Variants in SCAF8 observed in about 807,000 individuals in gnomAD.
SCAF8 encodes SR-related and CTD-associated factor 8.
SCAF8 carries 23 observed loss-of-function variants against 140.5 expected under a neutral mutation model. That is an observed-to-expected ratio of 0.16 (90% CI 0.12 to 0.23). The LOEUF (loss-of-function observed/expected upper bound fraction) is 0.23. SCAF8 is among the 10% of genes least tolerant of loss of function. SCAF8 has a pLI of 1.00. For missense variants in SCAF8, 1,397 were observed against 1,555.7 expected (o/e 0.90, Z 1.72); for synonymous variants, 575 against 528.9 (o/e 1.09, Z -1.20).
At chr6:154,770,293 A>G (rs1776698548) in intron 1 of SCAF8, among the ~76,000 whole-genome samples, 1 of 152,146 alleles carries the variant, frequency 6.6e-6, no homozygotes, top group East Asian at 1.9e-4. Flanking sequence ...GTCTTTACAA[A>G]AAAAGAAAAC....
At chr6:154,819,584 C>T (rs1778354601) in intron 14 of SCAF8, among the ~76,000 whole-genome samples, 1 of 151,980 alleles carries the variant, frequency 6.6e-6, no homozygotes, top group Admixed American at 6.6e-5. Flanking sequence ...GAGTGAGACC[C>T]TGTCTCAAAA....
rs532443399 is a variant in SCAF8, at chr6:154,770,762, T to C, written c.31-3227T>C. ...TAAACTGGTTTTTGTTGTTGTTGTT[T>C]TGACACAAAGCCTCGCTCTGTCACC... On this transcript the variant is annotated intron_variant, in intron 1 of 19. Transcript: ENST00000367178. Among the ~76,000 whole-genome samples the C allele has an allele frequency of 2.6e-5, 4 of 152,256 alleles. No homozygotes were observed. The South Asian group carries it at 8.3e-4, about 32-fold the overall frequency.
intron 1 of SCAF8, among the ~76,000 whole-genome samples, chr6:154,739,635 A>C (rs898467833): frequency 2.6e-5 from 4 of 152,172 alleles, no homozygotes; most frequent in African/African-American, 9.7e-5. Flanking sequence ...AGGATACCTA[A>C]ATTCTTAGTA....
chr6:154,796,385 C>CTCTCTCTG (rs1562450885), intron 6 of SCAF8, among the ~76,000 whole-genome samples: 1 of 76,324 alleles, frequency 1.3e-5, no homozygotes, highest in Non-Finnish European at 2.6e-5. Context: ...CTCTCTCTCT[C>CTCTCTCTG]TCTCTCTGTC....
intron 2 of SCAF8, among the ~76,000 whole-genome samples, chr6:154,775,838 A>T (rs1776901742): frequency 6.6e-6 from 1 of 151,808 alleles, no homozygotes; most frequent in Non-Finnish European, 1.5e-5. Context: ...TAATGTTTTG[A>T]ATTTTGAAAA....
intron 1 of SCAF8, among the ~76,000 whole-genome samples, chr6:154,753,008 TTTTG>T (rs1270337120): frequency 2.6e-5 from 4 of 151,230 alleles, no homozygotes; most frequent in East Asian, 3.8e-4. Flanking sequence ...TTTGTTTTTG[TTTTG>T]TTTTTTTTTT....
At chr6:154,799,146 T>G (rs1391059154) in intron 6 of SCAF8, among the ~76,000 whole-genome samples, 2 of 150,552 alleles carry the variant, frequency 1.3e-5, no homozygotes, top group African/African-American at 2.4e-5. Context: ...CCGAGCTAAT[T>G]TTTGTATTTT....
intron 12 of SCAF8, among the ~76,000 whole-genome samples, chr6:154,813,973 A>G (rs1470967560): frequency 6.6e-6 from 1 of 152,208 alleles, no homozygotes; most frequent in Non-Finnish European, 1.5e-5. Context: ...CCCATAGTAG[A>G]TCTTCAGAAC....
chr6:154,751,250 C>T (rs1227946425), intron 1 of SCAF8, among the ~76,000 whole-genome samples: 8 of 149,272 alleles, frequency 5.4e-5, no homozygotes, highest in South Asian at 2.1e-4. Flanking sequence ...TTTTTTGAGA[C>T]GGAGTTTTGC....
chr6:154,796,166 AC>A (rs1777595446), intron 6 of SCAF8, among the ~76,000 whole-genome samples: 2 of 152,076 alleles, frequency 1.3e-5, no homozygotes, highest in Non-Finnish European at 2.9e-5. Context: ...TCATAGAAAT[AC>A]CTCATTTTTG....
intron 6 of SCAF8, among the ~76,000 whole-genome samples, chr6:154,799,522 AATG>A (rs1777706650): frequency 6.6e-6 from 1 of 151,258 alleles, no homozygotes; most frequent in African/African-American, 2.4e-5. Context: ...TTCTCTAACT[AATG>A]ATAAGACTTG....
At chr6:154,815,961 C>A (rs1043125316) in intron 13 of SCAF8, 145 bp downstream of exon 13, 14 of 491,086 alleles carry the variant, frequency 2.9e-5, no homozygotes, top group African/African-American at 2.7e-4. Context: ...TTGATAATGT[C>A]TGTGTTTATT....
intron 5 of SCAF8, among the ~76,000 whole-genome samples, chr6:154,794,775 T>A (rs911008801): frequency 3.0e-4 from 2 of 6,692 alleles, no homozygotes; most frequent in Non-Finnish European, 3.3e-4. Context: ...GGGGGGGGTG[T>A]GGGGGGTGTG....
At position 154,830,935 on chromosome 6, in the gene SCAF8, G is replaced by A. The variant is rs761149261; in HGVS notation, c.2154G>A (p.Pro718=). 7.4e-6 allele frequency: 12 copies of A among 1,613,666 alleles called. No individual in the cohort carries two copies. Among genetic ancestry groups the A allele is most frequent in the Middle Eastern group, 3.3e-4 (2 of 6,080 alleles). Residue 718 remains proline (P), a synonymous_variant, in exon 19 of 20, where the codon CCG becomes CCA. Transcript: ENST00000367178. The part of the protein sequence containing the change: ...PPVVPTSLVQ[P]SLSMTPETVK... The stretch of plus-strand genomic sequence containing the variant: ...CTCTTTAAACAGCTTTAGTGCAGCC[G>A]TCATTATCCATGACACCGGAAACTG...
chr6:154,820,493 A>G (rs893945308), intron 15 of SCAF8, among the ~76,000 whole-genome samples, 160 bp downstream of exon 15: 14 of 152,202 alleles, frequency 9.2e-5, no homozygotes, highest in Non-Finnish European at 1.9e-4. Flanking sequence ...GCTTAATGGG[A>G]CCTATTTTAA....
rs145758962 is a variant in SCAF8 at position 154,803,489 on chromosome 6, C to T, written c.784-55C>T. On this transcript the variant is annotated intron_variant, in intron 7 of 19. Coordinates refer to ENST00000367178, the MANE Select transcript of SCAF8 (RefSeq NM_014892.5). The stretch of plus-strand genomic sequence containing the variant: ...TTGACATTTAAAATAGCATTTGTAA[C>T]TTGTATTTGTGTGAAGCACTTTTTA... 2.6e-5 allele frequency: 31 copies of T among 1,196,094 alleles called. No homozygotes were observed. In the African/African-American group the frequency reaches 3.1e-4, roughly 12 times the overall value. 74.1% of individuals were successfully genotyped at this position (1,196,094 alleles called of 1,614,324 possible).
intron 1 of SCAF8, among the ~76,000 whole-genome samples, chr6:154,745,245 C>A (rs919510086): frequency 5.9e-5 from 9 of 152,294 alleles, no homozygotes; most frequent in Middle Eastern, 3.4e-3. Flanking sequence ...GCTGCTGCTT[C>A]ATGATTAGGT....
chr6:154,830,242 T>C (rs796732251), intron 18 of SCAF8, among the ~76,000 whole-genome samples: 19 of 152,372 alleles, frequency 1.2e-4, no homozygotes, highest in African/African-American at 4.6e-4. Context: ...TCAGGTAATC[T>C]AGAGTTACAT....
rs550659972 is a variant in SCAF8 at position 154,832,514 on chromosome 6, C to T, written c.2935C>T (p.Pro979Ser). The T allele has an allele frequency of 6.2e-7, 1 of 1,613,752 alleles. No homozygotes were observed. Among genetic ancestry groups the T allele is most frequent in the Non-Finnish European group, 8.5e-7 (1 of 1,179,896 alleles). Residue 979 changes from proline to serine, a missense_variant, in exon 20 of 20, where the codon CCA (proline) becomes TCA (serine). Physicochemically the swap from Pro to Ser is moderately conservative, Grantham distance 74 (BLOSUM62 -1). Around this residue, in one of 5 missense-constraint regions of SCAF8, gnomAD observed 930 missense variants for 874.6 expected, o/e 1.06. Transcript: ENST00000367178. ...PFPPGDIFSQ[P>S]ERPFLAPGRQ... ...TCCTCCAGGAGATATTTTTAGTCAA[C>T]CAGAAAGACCTTTTTTAGCTCCTGG...
Sources: gnomAD v4.1 joint callset for allele counts (sites outside exome capture counted in the v4.1 genomes callset) on GRCh38, gnomAD v4.1.1 for gene constraint, gnomAD v4.1.1 regional missense constraint, MANE v1.5 for transcripts, NCBI Gene and HGNC (gene_info 2026-07-23, HGNC 2026-07-21) for gene names.